IGFN1: variants seen among roughly 807,000 people sequenced by gnomAD.
IGFN1 encodes the protein immunoglobulin-like and fibronectin type III domain-containing protein 1.
A neutral mutation model predicts 289.5 loss-of-function variants in IGFN1; 253 were observed. The observed-to-expected ratio is 0.87, with a 90% confidence interval of 0.79 to 0.97. IGFN1 has a LOEUF of 0.97. IGFN1 is among the 50% of genes least tolerant of loss of function. The pLI is 0.00. For synonymous variants in IGFN1, 1,706 were observed against 1,788.5 expected (o/e 0.95, Z 1.16); for missense variants, 4,470 against 4,686.1 (o/e 0.95, Z 1.35).
rs1335412300 is a variant in IGFN1, at chr1:201,214,253, C to T, written c.8805C>T (p.Thr2935=). The T allele has an allele frequency of 6.2e-7, 1 of 1,613,588 alleles. No individual in the cohort carries two copies. Among genetic ancestry groups the T allele is most frequent in the South Asian group, 1.1e-5 (1 of 91,060 alleles). The change falls in exon 13 of 24, where the codon ACC becomes ACT. Residue 2935 remains threonine, a synonymous_variant. Coordinates refer to ENST00000335211, the MANE Select transcript of IGFN1 (RefSeq NM_001164586.2). ...GGGAGGCCGCCACACTCTCCTGTAC[C>T]CTCACCAGTGACCTGGGACCTGGCA... ...QPGEAATLSC[T]LTSDLGPGTW... is the part of the protein sequence containing the mutation.
At chr1:201,220,913 G>A (rs1558158497) in intron 18 of IGFN1, among the ~76,000 whole-genome samples, 1 of 152,142 alleles carries the variant, frequency 6.6e-6, no homozygotes, top group Non-Finnish European at 1.5e-5. Context: ...CCAGACTTGA[G>A]GGCCAGAGCC....
In IGFN1 at chr1:201,207,233, C is replaced by G; in HGVS notation, c.2340C>G (p.Asp780Glu). 1.3e-6 allele frequency: 2 copies of G among 1,536,754 alleles called. No individual in the cohort carries two copies. Among genetic ancestry groups the G allele is most frequent in the Non-Finnish European group, 1.7e-6 (2 of 1,146,852 alleles). ...AYKTGPGGPGDPRGCEGVLQE... is the reference protein window; with the variant it reads ...AYKTGPGGPGEPRGCEGVLQE... The stretch of plus-strand genomic sequence containing the variant: ...AAACTGGCCCTGGAGGCCCAGGAGA[C>G]CCCAGAGGCTGCGAAGGTGTCCTAC... The change falls in exon 12 of 24, where the codon GAC becomes GAG. Residue 780 changes from aspartate (D) to glutamate (E), a missense_variant. By Grantham distance (45) the Asp-to-Glu change is conservative. This residue lies in a region of IGFN1 where 2,011 missense variants were observed against 1,953.4 expected (regional missense o/e 1.03). Coordinates refer to ENST00000335211, the MANE Select transcript of IGFN1 (RefSeq NM_001164586.2).
In IGFN1 at chr1:201,197,245, G is replaced by A. The variant is rs1241510575; in HGVS notation, c.295G>A (p.Asp99Asn). The A allele has an allele frequency of 7.1e-6, 11 of 1,551,226 alleles. No homozygotes were observed. Among genetic ancestry groups the A allele is most frequent in the African/African-American group, 1.4e-5 (1 of 73,042 alleles). Residue 99 changes from aspartate to asparagine, a missense_variant, in exon 5 of 24, where the codon GAT becomes AAT. Coordinates refer to ENST00000335211, the MANE Select transcript of IGFN1 (RefSeq NM_001164586.2). ...CAACAAGCTGACAGGCGAGGACACG[G>A]ATCTGTACCGCTGCACAGCAGTAAA... ...QINKLTGEDT[D>N]LYRCTAVNAY...
intron 10 of IGFN1, among the ~76,000 whole-genome samples, chr1:201,204,309 T>C (rs1043841407): frequency 2.6e-5 from 4 of 152,234 alleles, no homozygotes; most frequent in Non-Finnish European, 5.9e-5. Context: ...TCACGCTCCA[T>C]ACAGACCTTT....
rs1298734195 is a variant in IGFN1 at position 201,207,885 on chromosome 1, C to T, written c.2992C>T (p.Pro998Ser). 2.0e-6 allele frequency: 3 copies of T among 1,536,288 alleles called. No homozygotes were observed. The highest frequency in any genetic ancestry group is 2.4e-5 in the East Asian group (1 of 40,890). Residue 998 changes from proline (P) to serine (S), a missense_variant, in exon 12 of 24, where the codon CCT becomes TCT. Pro to Ser is a moderately conservative substitution (Grantham distance 74). Around this residue, in one of 8 missense-constraint regions of IGFN1, gnomAD observed 2,011 missense variants for 1,953.4 expected, o/e 1.03. Transcript: ENST00000335211. ...TGGTTGTAGAGTTTCCCCTAGGGCA[C>T]CTGCGGGAGTGGAGTCTGAGGAAGG... The part of the protein sequence containing the change: ...GAGCRVSPRA[P>S]AGVESEEGGG...
chr1:201,201,926 G>A (rs1667183138), intron 9 of IGFN1, 94 bp downstream of exon 9: 2 of 689,490 alleles, frequency 2.9e-6, no homozygotes, highest in East Asian at 5.5e-5. Context: ...TTCCTCCAAG[G>A]GAACAACCAG....
Position 201,217,323 on chromosome 1 carries a change from C to CGCCCT in IGFN1, c.9633_9634insCCCTG (p.Ala3212ProfsTer10). On this transcript the variant is annotated frameshift_variant, in exon 17 of 24. Coordinates refer to ENST00000335211, the MANE Select transcript of IGFN1 (RefSeq NM_001164586.2). LOFTEE classifies it high-confidence loss of function. ...GCCCCTTCCGCGCCAGCCATCCTGT[C>CGCCCT]GGCCTCCAGCCAGGGCATCACACTG... 1 of 1,614,110 alleles carries CGCCCT rather than the reference C, an allele frequency of 6.2e-7. No homozygotes were observed. Among genetic ancestry groups the CGCCCT allele is most frequent in the South Asian group, 1.1e-5 (1 of 91,084 alleles).
Position 201,209,896 on chromosome 1 carries a change from C to A in IGFN1, c.5003C>A (p.Ser1668Ter), listed in dbSNP as rs1430332148. The change falls in exon 12 of 24, where the codon TCA becomes TAA. Residue 1668 changes from serine to a stop codon, truncating the protein, a stop_gained. Coordinates refer to ENST00000335211, the MANE Select transcript of IGFN1 (RefSeq NM_001164586.2). LOFTEE classifies it high-confidence loss of function. ...TTAGGGAGTTCTGGGGAAATGGGGT[C>A]AATGGATGAGGCAGGTTATAGGAAG... ...DGLGSSGEMG[S>*]MDEAGYRKNL... 1.4e-6 allele frequency: 2 copies of A among 1,472,402 alleles called. No homozygotes were observed. Among genetic ancestry groups the A allele is most frequent in the African/African-American group, 1.5e-5 (1 of 68,204 alleles). The allele number at this position is 1,472,402 out of a possible 1,614,324, so 91.2% of individuals were successfully genotyped here. A position where few individuals can be genotyped will look rare whatever the true frequency, so the allele number is the denominator to read the frequency against.
rs138518919 is a variant in IGFN1 at position 201,217,203 on chromosome 1, C to T, written c.9596-84C>T. ...GGCGGAGTGTGGCCTGTCCCAGATGCCTGTGCCCCCTACCCCCAGGGGCTC... is the reference window on the plus strand; with the variant it reads ...GGCGGAGTGTGGCCTGTCCCAGATGTCTGTGCCCCCTACCCCCAGGGGCTC... On this transcript the variant is annotated intron_variant, in intron 16 of 23. Coordinates refer to ENST00000335211, the MANE Select transcript of IGFN1 (RefSeq NM_001164586.2). 980 of 1,248,234 alleles carry T rather than the reference C, an allele frequency of 7.9e-4. 7 individuals carry two copies. Among genetic ancestry groups the T allele is most frequent in the Middle Eastern group, 4.2e-3 (15 of 3,590 alleles). 77.3% of individuals were successfully genotyped at this position (1,248,234 alleles called of 1,614,324 possible). A position where few individuals can be genotyped will look rare whatever the true frequency, so the allele number is the denominator to read the frequency against.
chr1:201,199,301 T>A, intron 5 of IGFN1, 33 bp from the exon 6 acceptor site: 1 of 1,547,822 alleles, frequency 6.5e-7, no homozygotes, highest in Non-Finnish European at 8.7e-7. Context: ...CTTGTCCACA[T>A]CGACTCCTTC....
chr1:201,191,286 G>T (rs532451119), intron 1 of IGFN1, among the ~76,000 whole-genome samples: 1 of 152,314 alleles, frequency 6.6e-6, no homozygotes, highest in East Asian at 1.9e-4. Flanking sequence ...GCAGTTGAGA[G>T]AACTCCATTT....
At position 201,216,765 on chromosome 1, in the gene IGFN1, G is replaced by A; in HGVS notation, c.9595+12G>A. 1 of 1,578,168 alleles carries A rather than the reference G, an allele frequency of 6.3e-7. No individual in the cohort carries two copies. The highest frequency in any genetic ancestry group is 8.6e-7 in the Non-Finnish European group (1 of 1,160,258). On this transcript the variant is annotated intron_variant, in intron 16 of 23. Transcript: ENST00000335211. ...GGTGGCTCCTGAGGGTGAGAGAAAAGGCTGGGGCTGGGGGTGGGGGACACT... is the reference window on the plus strand; with the variant it reads ...GGTGGCTCCTGAGGGTGAGAGAAAAAGCTGGGGCTGGGGGTGGGGGACACT...
chr1:201,221,817 G>T (rs1041952412), intron 19 of IGFN1, 71 bp downstream of exon 19: 1 of 1,324,102 alleles, frequency 7.6e-7, no homozygotes, highest in Non-Finnish European at 1.0e-6. Context: ...CTGAGTAGCC[G>T]CAATGCACTT....
chr1:201,208,636 G>T lies in IGFN1; in HGVS notation c.3743G>T (p.Gly1248Val). ...GGGCCTAGGAGTACAGGGCCAGGGG[G>T]TGAGGCAGGCTTTAGAGATGGTTCA... ...GLGPRSTGPG[G>V]EAGFRDGSGG... Residue 1248 changes from glycine to valine, a missense_variant, in exon 12 of 24, where the codon GGT becomes GTT. This residue lies in a region of IGFN1 where 2,011 missense variants were observed against 1,953.4 expected (regional missense o/e 1.03). Coordinates refer to ENST00000335211, the MANE Select transcript of IGFN1 (RefSeq NM_001164586.2). 2 of 1,532,336 alleles carry T rather than the reference G, an allele frequency of 1.3e-6. No homozygotes were observed. Among genetic ancestry groups the T allele is most frequent in the Non-Finnish European group, 8.7e-7 (1 of 1,144,792 alleles). The allele number at this position is 1,532,336 out of a possible 1,614,324, so 94.9% of individuals were successfully genotyped here.
rs1667597265 is a variant in IGFN1 at position 201,209,351 on chromosome 1, G to A, written c.4458G>A (p.Gly1486=). ...AGYRGGLRGS[G]EMGLIEAGYR... ...ACAGGGGTGGTTTAAGGGGTTCTGG[G>A]GAAATGGGGTTAATTGAGGCAGGCT... Residue 1486 remains glycine, a synonymous_variant, in exon 12 of 24, where the codon GGG becomes GGA. Coordinates refer to ENST00000335211, the MANE Select transcript of IGFN1 (RefSeq NM_001164586.2). The A allele has an allele frequency of 3.4e-6, 5 of 1,491,746 alleles. No homozygotes were observed. The highest frequency in any genetic ancestry group is 4.4e-6 in the Non-Finnish European group (5 of 1,128,588). 92.4% of individuals were successfully genotyped at this position (1,491,746 alleles called of 1,614,324 possible). A position where few individuals can be genotyped will look rare whatever the true frequency, so the allele number is the denominator to read the frequency against.
chr1:201,197,421 G>A lies in IGFN1; in HGVS notation c.367+104G>A, dbSNP rs554453579. 30 of 724,506 alleles carry A rather than the reference G, an allele frequency of 4.1e-5. No individual in the cohort carries two copies. In the East Asian group the frequency reaches 6.3e-4, roughly 15 times the overall value. The allele number at this position is 724,506 out of a possible 1,614,324, so 44.9% of individuals were successfully genotyped here. On this transcript the variant is annotated intron_variant, in intron 5 of 23. Transcript: ENST00000335211. ...AGGGAGGGGAGGGGAGGGAAGGGAG[G>A]CCCATCCAGGCTGCTGCCGCTGCTG... is the stretch of plus-strand genomic sequence containing the variant.
chr1:201,203,769 A>T lies in IGFN1; in HGVS notation c.779A>T (p.Asn260Ile). Reference protein sequence around the residue: ...DGEMIPYGFNNQTKHCLRRLG... With the variant: ...DGEMIPYGFNIQTKHCLRRLG... ...GAGATGATCCCCTATGGCTTCAACA[A>T]CCAAACCAAGCACTGTCTGCGCCGG... Residue 260 changes from asparagine (N) to isoleucine (I), a missense_variant, in exon 10 of 24, where the codon AAC becomes ATC. Physicochemically the swap from Asn to Ile is moderately radical, Grantham distance 149. Coordinates refer to ENST00000335211, the MANE Select transcript of IGFN1 (RefSeq NM_001164586.2). 3 of 1,551,838 alleles carry T rather than the reference A, an allele frequency of 1.9e-6. No homozygotes were observed. Among genetic ancestry groups the T allele is most frequent in the Non-Finnish European group, 8.7e-7 (1 of 1,147,042 alleles).
rs1320722161 is a variant in IGFN1 at position 201,213,563 on chromosome 1, C to G, written c.8670C>G (p.Thr2890=). Residue 2890 remains threonine, a synonymous_variant, in exon 12 of 24, where the codon ACC becomes ACG. Transcript: ENST00000335211. ...LDIYGERRDA[T]RSSTSRYKPG... is the part of the protein sequence containing the mutation. ...TCTATGGAGAGAGGAGAGATGCTAC[C>G]CGGAGTTCCACATCCAGATACAAGC... 6.2e-7 allele frequency: 1 copy of G among 1,613,912 alleles called. No individual in the cohort carries two copies. Among genetic ancestry groups the G allele is most frequent in the Middle Eastern group, 1.7e-4 (1 of 6,060 alleles).
chr1:201,228,658 T>C lies in IGFN1; in HGVS notation c.*259T>C, dbSNP rs2102379800. 5.5e-6 allele frequency: 3 copies of C among 545,658 alleles called. No individual in the cohort carries two copies. Among genetic ancestry groups the C allele is most frequent in the Non-Finnish European group, 6.6e-6 (2 of 305,224 alleles). 33.8% of individuals were successfully genotyped at this position (545,658 alleles called of 1,614,324 possible). ...CAGCGAACCTCCTGGACCCTCACCA[T>C]ATGGGTTTCTTTCTTCTTCGCTTCA... On this transcript the variant is annotated 3_prime_UTR_variant, in exon 24 of 24. Transcript: ENST00000335211.
Sources: allele counts gnomAD v4.1 joint callset (sites outside exome capture counted in the v4.1 genomes callset), GRCh38; gene constraint gnomAD v4.1.1; regional missense constraint gnomAD v4.1.1; transcripts MANE v1.5; gene names NCBI Gene and HGNC (gene_info 2026-07-23, HGNC 2026-07-21).